The following BLNK variants were observed in gnomAD, a reference collection of about 807,000 sequenced individuals.
BLNK encodes B-cell linker protein.
A neutral mutation model predicts 73.5 loss-of-function variants in BLNK; 29 were observed. The observed-to-expected ratio is 0.39, with a 90% CI of 0.29 to 0.54. BLNK has a LOEUF of 0.54. Ranked by LOEUF, BLNK falls within the 20% of genes least tolerant of loss-of-function variation. BLNK has a pLI of 0.61. For synonymous variants in BLNK, 176 were observed against 200.8 expected, an observed-to-expected ratio of 0.88 and a Z score of 1.04; for missense variants, 460 against 562.8, an observed-to-expected ratio of 0.82 and a Z score of 1.85.
intron 1 of BLNK, among the ~76,000 whole-genome samples, chr10:96,258,775 C>T (rs539534807): frequency 5.9e-5 from 9 of 152,298 alleles, no homozygotes; most frequent in South Asian, 4.1e-4. Flanking sequence ...GCATGTACTA[C>T]GTGCTAGGTA....
chr10:96,213,881 G>A (rs1554899207), intron 8 of BLNK, among the ~76,000 whole-genome samples: 2 of 152,178 alleles, frequency 1.3e-5, no homozygotes, highest in Non-Finnish European at 2.9e-5. Flanking sequence ...TCTCCAGAGG[G>A]TAAGATGAGC....
chr10:96,193,131 G>A (rs1486288801), intron 16 of BLNK, among the ~76,000 whole-genome samples: 1 of 152,136 alleles, frequency 6.6e-6, no homozygotes, highest in Non-Finnish European at 1.5e-5. Context: ...CAGGGAGAGA[G>A]GTAAGAGACA....
intron 1 of BLNK, among the ~76,000 whole-genome samples, chr10:96,250,637 A>T (rs1172211988): frequency 1.3e-5 from 2 of 152,190 alleles, no homozygotes; most frequent in African/African-American, 4.8e-5. Flanking sequence ...ATGTGTCAAA[A>T]ATGGGACACA....
chr10:96,242,906 C>T, intron 2 of BLNK, 122 bp from the exon 3 acceptor site: 1 of 846,988 alleles, frequency 1.2e-6, no homozygotes, highest in Non-Finnish European at 2.1e-6. Flanking sequence ...TTCTCTTGGA[C>T]CAATCAATGG....
At chr10:96,249,428 A>G (rs1297653443) in intron 1 of BLNK, among the ~76,000 whole-genome samples, 1 of 152,256 alleles carries the variant, frequency 6.6e-6, no homozygotes, top group Middle Eastern at 3.2e-3. Flanking sequence ...GGTGTCCTCT[A>G]CCAAGTGTTA....
chr10:96,266,219 A>G lies in BLNK; in HGVS notation c.47+5133T>C, dbSNP rs150156267. Among the ~76,000 whole-genome samples, 315 of 152,368 alleles carry G rather than the reference A, an allele frequency of 2.1e-3. 1 individual carries two copies. Among genetic ancestry groups the G allele is most frequent in the Non-Finnish European group, 3.5e-3 (235 of 68,034 alleles). On this transcript the variant is annotated intron_variant, in intron 1 of 16. Transcript: ENST00000224337. ...AAAACAAGAGATCGTCTGTAAATAC[A>G]TGCCTGAAGAGTTTGGCACCAGCCC...
intron 2 of BLNK, 102 bp from the exon 3 acceptor site, chr10:96,242,886 G>T: frequency 1.0e-6 from 1 of 958,412 alleles, no homozygotes; most frequent in Non-Finnish European, 1.7e-6. Flanking sequence ...ACAACTAATA[G>T]CATAATGGCT....
At chr10:96,253,745 A>T (rs7085174) in intron 1 of BLNK, among the ~76,000 whole-genome samples, 3 of 152,012 alleles carry the variant, frequency 2.0e-5, no homozygotes, top group Admixed American at 6.5e-5. Flanking sequence ...GCTGGGTGCG[A>T]TGGCTCACGC....
chr10:96,248,830 T>G (rs1268137654), intron 1 of BLNK, among the ~76,000 whole-genome samples: 2 of 152,248 alleles, frequency 1.3e-5, no homozygotes, highest in Non-Finnish European at 2.9e-5. Context: ...TCTATATTGT[T>G]GCCTGAAACT....
intron 16 of BLNK, among the ~76,000 whole-genome samples, chr10:96,196,463 G>A (rs587600239): frequency 6.6e-6 from 1 of 152,052 alleles, no homozygotes; most frequent in African/African-American, 2.4e-5. Flanking sequence ...CTGGTACAAG[G>A]GCTATAGTCT....
chr10:96,271,324 G>T (rs1554915673), intron 1 of BLNK, 28 bp downstream of exon 1: 2 of 1,611,178 alleles, frequency 1.2e-6, no homozygotes, highest in Middle Eastern at 3.3e-4. Context: ...AGGAGATGAA[G>T]AAGGGTATTG....
Position 96,200,177 on chromosome 10 carries a change from T to C in BLNK, c.1012-19A>G, listed in dbSNP as rs1554895746. ...CAGCTTCCTGTGAAATGGAGGGCAC[T>C]GGTCAGCATGGGATGGTCCCTACTT... On this transcript the variant is annotated intron_variant, in intron 14 of 16. Transcript: ENST00000224337. This position sits in a 1 kb window ranked among gnomAD's most constrained non-coding sequence, Gnocchi z 4.3. 2 of 1,608,398 alleles carry C rather than the reference T, an allele frequency of 1.2e-6. No homozygotes were observed. The highest frequency in any genetic ancestry group is 4.5e-5 in the East Asian group (2 of 44,850).
intron 1 of BLNK, among the ~76,000 whole-genome samples, chr10:96,260,734 T>C (rs1554912524): frequency 6.6e-6 from 1 of 152,162 alleles, no homozygotes; most frequent in African/African-American, 2.4e-5. Context: ...AAAACAAAGA[T>C]ATTGGGAATG....
At position 96,207,852 on chromosome 10, in the gene BLNK, TAAATGC is replaced by T. The variant is rs782025645; in HGVS notation, c.774+14_774+19del. 2 of 1,613,728 alleles carry T rather than the reference TAAATGC, an allele frequency of 1.2e-6. No individual in the cohort carries two copies. Among genetic ancestry groups the T allele is most frequent in the South Asian group, 2.2e-5 (2 of 91,066 alleles). On this transcript the variant is annotated intron_variant, in intron 10 of 16. Transcript: ENST00000224337. ...CACTGCAGGAAATATGAAGCACTTT[TAAATGC>T]AAAATTAACTTACTGTCTTCAGTGG...
chr10:96,263,239 A>G (rs931684114), intron 1 of BLNK, among the ~76,000 whole-genome samples: 1 of 152,240 alleles, frequency 6.6e-6, no homozygotes, highest in Non-Finnish European at 1.5e-5. Flanking sequence ...CTCCGAGCAC[A>G]GGACCCTGTG....
At chr10:96,204,363 A>G in intron 12 of BLNK, 169 bp downstream of exon 12, 1 of 815,644 alleles carries the variant, frequency 1.2e-6, no homozygotes, top group Non-Finnish European at 2.1e-6. Flanking sequence ...GCAACTCTAC[A>G]CAGTTATTTT....
chr10:96,218,651 G>A (rs1400356114), intron 6 of BLNK, among the ~76,000 whole-genome samples: 1 of 149,430 alleles, frequency 6.7e-6, no homozygotes, highest in African/African-American at 2.5e-5. Context: ...TTGTGATTGC[G>A]CTTGGCAACA....
intron 6 of BLNK, among the ~76,000 whole-genome samples, chr10:96,219,765 T>C (rs2084152512): frequency 6.6e-6 from 1 of 152,246 alleles, no homozygotes; most frequent in Non-Finnish European, 1.5e-5. Context: ...ATGTCCTTGG[T>C]AAGGTTTTCC....
intron 6 of BLNK, among the ~76,000 whole-genome samples, chr10:96,218,888 C>A (rs1293119220): frequency 6.6e-6 from 1 of 152,216 alleles, no homozygotes; most frequent in Non-Finnish European, 1.5e-5. Context: ...GTTCTACTCA[C>A]ACATCTCAAT....
Sources: gnomAD v4.1 joint callset for allele counts (sites outside exome capture counted in the v4.1 genomes callset) on GRCh38, gnomAD v4.1.1 for gene constraint, Gnocchi (gnomAD v3.1) non-coding constraint, MANE v1.5 for transcripts, NCBI Gene and HGNC (gene_info 2026-07-23, HGNC 2026-07-21) for gene names.